NPM1: variants seen among roughly 807,000 people sequenced by gnomAD.
The protein encoded by NPM1 is nucleophosmin 1.
In NPM1, 1 loss-of-function variant was observed where a neutral mutation model predicts 44.1. That is an observed-to-expected ratio of 0.02 (90% CI 0.01 to 0.11). NPM1 has a LOEUF of 0.11. Among genes scored for constraint, NPM1 ranks in the 10% least tolerant of loss-of-function variants. NPM1 has a pLI of 1.00. For missense variants in NPM1, 197 were observed against 347.8 expected (o/e 0.57, Z 3.45); for synonymous variants, 126 against 111.8 (o/e 1.13, Z -0.80).
chr5:171,390,374 A>G (rs1304190379), intron 2 of NPM1, among the ~76,000 whole-genome samples: 1 of 152,222 alleles, frequency 6.6e-6, no homozygotes, highest in Non-Finnish European at 1.5e-5. Context: ...CTTCAGTTGA[A>G]TTACAAAGCC....
intron 6 of NPM1, among the ~76,000 whole-genome samples, chr5:171,395,135 G>T (rs1374318993): frequency 1.3e-5 from 2 of 152,146 alleles, no homozygotes; most frequent in African/African-American, 4.8e-5. Context: ...AGCCAAGAAT[G>T]CGCCACCGTG....
At chr5:171,401,509 T>C (rs940932225) in intron 8 of NPM1, among the ~76,000 whole-genome samples, 1 of 152,186 alleles carries the variant, frequency 6.6e-6, no homozygotes, top group Non-Finnish European at 1.5e-5. Flanking sequence ...TGATCTCGGC[T>C]TACTGCAACC....
At chr5:171,400,460 CTTTTT>C (rs199784076) in intron 7 of NPM1, among the ~76,000 whole-genome samples, 34 of 138,700 alleles carry the variant, frequency 2.5e-4, no homozygotes, top group African/African-American at 8.9e-4. Flanking sequence ...TTTTTCCTTC[CTTTTT>C]TTTTTTTTTT....
intron 10 of NPM1, among the ~76,000 whole-genome samples, chr5:171,409,988 G>T (rs910262596): frequency 9.5e-4 from 144 of 151,706 alleles, no homozygotes; most frequent in African/African-American, 3.3e-3. Flanking sequence ...AGTAGACAGG[G>T]TTTCACCATG....
chr5:171,409,341 T>C (rs1771712094), intron 10 of NPM1, among the ~76,000 whole-genome samples: 1 of 152,164 alleles, frequency 6.6e-6, no homozygotes, highest in Non-Finnish European at 1.5e-5. Flanking sequence ...AGTTCATGCC[T>C]ATAATCCCAG....
intron 8 of NPM1, among the ~76,000 whole-genome samples, chr5:171,403,048 TCA>T (rs1409976073): frequency 3.3e-5 from 4 of 121,496 alleles, no homozygotes; most frequent in African/African-American, 1.2e-4. Context: ...TGGGTGTTTC[TCA>T]CAGAGGGGGA....
intron 8 of NPM1, among the ~76,000 whole-genome samples, chr5:171,404,136 G>A (rs1386279933): frequency 1.3e-5 from 1 of 79,468 alleles, no homozygotes; most frequent in African/African-American, 5.4e-5. Context: ...GTGGGGGGCT[G>A]ACCCCCCCAC....
At chr5:171,396,543 G>A (rs1384642232) in intron 6 of NPM1, among the ~76,000 whole-genome samples, 1 of 152,166 alleles carries the variant, frequency 6.6e-6, no homozygotes, top group Non-Finnish European at 1.5e-5. Flanking sequence ...TTCGGTATTG[G>A]AAAGATAGGT....
intron 2 of NPM1, among the ~76,000 whole-genome samples, chr5:171,390,567 C>G (rs1770520365): frequency 6.6e-6 from 1 of 152,142 alleles, no homozygotes; most frequent in South Asian, 2.1e-4. Flanking sequence ...GACAACATTG[C>G]ACAAATTTGT....
At chr5:171,406,349 C>T (rs199864610) in intron 9 of NPM1, 1 of 1,521,978 alleles carries the variant, frequency 6.6e-7, no homozygotes, top group Admixed American at 1.7e-5. Flanking sequence ...TTTTAGATGC[C>T]CCTCCCCTCC....
At chr5:171,406,442 A>G in intron 9 of NPM1, 1 of 1,612,330 alleles carries the variant, frequency 6.2e-7, no homozygotes, top group Non-Finnish European at 8.5e-7. Flanking sequence ...AAGCCCAAAG[A>G]TGGGGAGAAA....
intron 7 of NPM1, 196 bp from the exon 8 acceptor site, chr5:171,400,643 C>T: frequency 2.1e-6 from 1 of 485,792 alleles, no homozygotes; most frequent in East Asian, 3.6e-5. Context: ...TTTTAGTAGA[C>T]CACCATGTCG....
upstream of NPM1, chr5:171,387,689 A>G (rs1334040417): frequency 1.5e-4 from 72 of 481,258 alleles, no homozygotes; most frequent in African/African-American, 1.8e-3. Flanking sequence ...ACCTGGAAGG[A>G]GGTGGGGGCG....
chr5:171,403,766 C>A (rs1409385776), intron 8 of NPM1, among the ~76,000 whole-genome samples: 1 of 120,820 alleles, frequency 8.3e-6, no homozygotes, highest in South Asian at 3.1e-4. Context: ...CCGGACGGGG[C>A]GGCTGGCCGG....
intron 5 of NPM1, 47 bp from the exon 6 acceptor site, chr5:171,392,867 T>G: frequency 6.2e-7 from 1 of 1,613,108 alleles, no homozygotes. Flanking sequence ...TTTAGTTTGG[T>G]GATAGAACAG....
At chr5:171,392,862 T>C (rs1227757269) in intron 5 of NPM1, 46 bp downstream of exon 5, 1 of 1,613,130 alleles carries the variant, frequency 6.2e-7, no homozygotes, top group Admixed American at 1.7e-5. Flanking sequence ...TAGCTTTTAG[T>C]TTGGTGATAG....
chr5:171,387,728 C>T, upstream of NPM1: 1 of 585,306 alleles, frequency 1.7e-6, no homozygotes, highest in Non-Finnish European at 3.0e-6. Flanking sequence ...TTGAAAAGCG[C>T]TTGCGCAGGA....
chr5:171,405,723 C>G (rs1771530041), intron 9 of NPM1: 1 of 292,532 alleles, frequency 3.4e-6, no homozygotes, highest in Non-Finnish European at 6.4e-6. Context: ...GTAAGATATG[C>G]TAGAGAACCA....
Position 171,394,041 on chromosome 5 carries a change from C to CTTT in NPM1, c.524+1082_524+1084dup, listed in dbSNP as rs144186175. The stretch of plus-strand genomic sequence containing the variant: ...ATTTGACTGTTGCTGTTTTTGTTTT[C>CTTT]TTTTTTTTTTTTTTTTTTTTTGAGA... On this transcript the variant is annotated intron_variant, in intron 6 of 10. Transcript: ENST00000296930. Among the ~76,000 whole-genome samples the CTTT allele has an allele frequency of 2.1e-3, 204 of 97,018 alleles. 2 individuals carry two copies. The highest frequency in any genetic ancestry group is 3.0e-3 in the Non-Finnish European group (145 of 48,368). The allele number at this position is 97,018 out of a possible 152,430, so 63.6% of individuals were successfully genotyped here.
Sources: gnomAD v4.1 joint callset for allele counts (sites outside exome capture counted in the v4.1 genomes callset) on GRCh38, gnomAD v4.1.1 for gene constraint, MANE v1.5 for transcripts, NCBI Gene and HGNC (gene_info 2026-07-23, HGNC 2026-07-21) for gene names.